MPP7: variants seen among roughly 807,000 people sequenced by gnomAD.
MPP7 encodes the protein MAGUK p55 subfamily member 7.
Under a neutral mutation model 76.5 loss-of-function variants are expected in MPP7, and 60 were observed. The observed-to-expected ratio is 0.78, with a 90% CI of 0.64 to 0.97. MPP7 has a LOEUF of 0.97. Ranked by LOEUF, MPP7 falls within the 50% of genes least tolerant of loss-of-function variation. MPP7 has a pLI of 0.00. For missense variants in MPP7, 641 were observed against 694.0 expected (o/e 0.92, Z 0.86); for synonymous variants, 237 against 244.5 (o/e 0.97, Z 0.29).
At chr10:28,311,101 A>G (rs184485936) in intron 2 of MPP7, among the ~76,000 whole-genome samples, 1 of 152,264 alleles carries the variant, frequency 6.6e-6, no homozygotes, top group African/African-American at 2.4e-5. Context: ...CTCATTTGGA[A>G]CTCATTTTAA....
At position 28,052,676 on chromosome 10, in the gene MPP7, A is replaced by T. The variant is rs574528378; in HGVS notation, c.*1389T>A. Reference sequence around the variant, plus strand: ...TTATGAATAGCCCCGTTTGATATTTAAAAAAATATGCCTTTAAAATATTTC... The same window carrying T: ...TTATGAATAGCCCCGTTTGATATTTTAAAAAATATGCCTTTAAAATATTTC... On this transcript the variant is annotated 3_prime_UTR_variant, in exon 17 of 17. Coordinates refer to ENST00000683449, the MANE Select transcript of MPP7 (RefSeq NM_001318170.2). 9.9e-5 allele frequency: 15 copies of T among 151,450 alleles called. No individual in the cohort carries two copies. The highest frequency in any genetic ancestry group is 2.0e-4 in the Admixed American group (3 of 15,166). 9.4% of individuals were successfully genotyped at this position (151,450 alleles called of 1,614,324 possible). A position where few individuals can be genotyped will look rare whatever the true frequency, so the allele number is the denominator to read the frequency against.
intron 5 of MPP7, among the ~76,000 whole-genome samples, chr10:28,137,560 C>T (rs1445752621): frequency 1.3e-5 from 2 of 152,110 alleles, no homozygotes; most frequent in African/African-American, 2.4e-5. Context: ...AGCTTTGTTC[C>T]ATGTCTGCAT....
chr10:28,164,233 G>A (rs903994946), intron 3 of MPP7, among the ~76,000 whole-genome samples: 3 of 152,186 alleles, frequency 2.0e-5, no homozygotes, highest in African/African-American at 7.2e-5. Context: ...GAAGCAGGGT[G>A]GAGGAGAGGC....
intron 1 of MPP7, among the ~76,000 whole-genome samples, chr10:28,298,851 T>C (rs1388101891): frequency 2.0e-5 from 3 of 152,262 alleles, no homozygotes; most frequent in Admixed American, 6.5e-5. Context: ...CAGCATTTGC[T>C]GCTTCACCTT....
chr10:28,070,624 C>A (rs992193479), intron 12 of MPP7, among the ~76,000 whole-genome samples: 2 of 152,178 alleles, frequency 1.3e-5, no homozygotes, highest in African/African-American at 4.8e-5. Flanking sequence ...TGTGCTGAGA[C>A]CTTTTCCTGT....
chr10:28,268,725 ACT>A (rs1229961718), intron 1 of MPP7, among the ~76,000 whole-genome samples: 3 of 148,146 alleles, frequency 2.0e-5, no homozygotes, highest in South Asian at 2.1e-4. Flanking sequence ...ACGGAGTGAG[ACT>A]CTGTCTCAAA....
intron 3 of MPP7, among the ~76,000 whole-genome samples, chr10:28,168,788 G>C (rs1836577643): frequency 6.6e-6 from 1 of 152,164 alleles, no homozygotes; most frequent in South Asian, 2.1e-4. Flanking sequence ...AAAGTGCTGG[G>C]ATTACAGGTG....
chr10:28,132,390 C>T (rs1274690311), intron 5 of MPP7, among the ~76,000 whole-genome samples: 3 of 152,142 alleles, frequency 2.0e-5, no homozygotes, highest in Admixed American at 6.5e-5. Flanking sequence ...TGAATCCTCT[C>T]CTCTTACTGA....
At chr10:28,267,842 C>T in intron 1 of MPP7, among the ~76,000 whole-genome samples, 1 of 152,016 alleles carries the variant, frequency 6.6e-6, no homozygotes. Context: ...TTGAGACCAG[C>T]CTGGGCAACA....
rs1050133873 is a variant in MPP7, at chr10:28,302,986, C to T, written c.-257G>A. 1.3e-5 allele frequency among the ~76,000 whole-genome samples: 2 copies of T among 150,696 alleles called. No homozygotes were observed. Among genetic ancestry groups the T allele is most frequent in the East Asian group, 1.9e-4 (1 of 5,158 alleles). On this transcript the variant is annotated 5_prime_UTR_variant, in exon 1 of 17. Coordinates refer to ENST00000683449, the MANE Select transcript of MPP7 (RefSeq NM_001318170.2). ...GAGGACAATCGGGAGCCAGCGGGCT[C>T]GGCACCGCCGCGGCGGGCGCAGAAC...
chr10:28,119,465 C>A (rs961268477), intron 11 of MPP7, among the ~76,000 whole-genome samples, 186 bp downstream of exon 11: 6 of 152,126 alleles, frequency 3.9e-5, no homozygotes, highest in African/African-American at 1.4e-4. Context: ...TCAACCACCC[C>A]TTTCCTCAAA....
intron 1 of MPP7, among the ~76,000 whole-genome samples, chr10:28,260,160 G>C (rs550151007): frequency 3.9e-5 from 6 of 152,186 alleles, no homozygotes; most frequent in African/African-American, 1.4e-4. Context: ...TAATTTTATG[G>C]CATTATCATC....
intron 1 of MPP7, among the ~76,000 whole-genome samples, chr10:28,278,828 T>C (rs376832441): frequency 6.7e-6 from 1 of 148,446 alleles, no homozygotes; most frequent in Non-Finnish European, 1.5e-5. Flanking sequence ...TTTTTTAATC[T>C]GAAAAAAAAA....
At chr10:28,292,142 C>A (rs995234356) in intron 1 of MPP7, among the ~76,000 whole-genome samples, 2 of 152,184 alleles carry the variant, frequency 1.3e-5, no homozygotes, top group Non-Finnish European at 1.5e-5. Context: ...AGGACAGTAA[C>A]CTGCTGCACA....
At chr10:28,325,997 T>G (rs1049789289) in intron 2 of MPP7, among the ~76,000 whole-genome samples, 1 of 138,944 alleles carries the variant, frequency 7.2e-6, no homozygotes, top group African/African-American at 2.6e-5. Context: ...AAAAAAAAAA[T>G]TCCTTAAAGA....
chr10:28,246,027 G>A (rs961959369), intron 1 of MPP7, among the ~76,000 whole-genome samples: 1 of 152,092 alleles, frequency 6.6e-6, no homozygotes, highest in African/African-American at 2.4e-5. Flanking sequence ...CACTATGGGA[G>A]TCTGAGAAGA....
intron 12 of MPP7, among the ~76,000 whole-genome samples, chr10:28,083,687 G>A (rs556955006): frequency 3.3e-5 from 5 of 151,806 alleles, no homozygotes; most frequent in Admixed American, 6.6e-5. Context: ...ACAGGCGCCC[G>A]ACACCACACC....
intron 3 of MPP7, among the ~76,000 whole-genome samples, chr10:28,197,222 G>A (rs1171453519): frequency 7.5e-5 from 10 of 133,090 alleles, no homozygotes; most frequent in Admixed American, 5.2e-4. Flanking sequence ...TTGCTCTGTC[G>A]CCCAGGCTGG....
rs777797720 is a variant in MPP7 at position 28,150,037 on chromosome 10, T to C, written c.179A>G (p.Tyr60Cys). ...AATGGGCACCGGACTCTGCTTCTCATAGTAGTGTAGTTTTTCATGAATCTG... is the reference window on the plus strand; with the variant it reads ...AATGGGCACCGGACTCTGCTTCTCACAGTAGTGTAGTTTTTCATGAATCTG... ...LVKIHEKLHYYEKQSPVPILH... is the reference protein window; with the variant it reads ...LVKIHEKLHYCEKQSPVPILH... Residue 60 changes from tyrosine (Y) to cysteine (C), a missense_variant, in exon 4 of 17, where the codon TAT becomes TGT. By Grantham distance (194) the Tyr-to-Cys change is radical. Transcript: ENST00000683449. 1.7e-5 allele frequency: 28 copies of C among 1,613,510 alleles called. No homozygotes were observed. In the Admixed American group the frequency reaches 2.2e-4, roughly 12 times the overall value.
Sources: allele counts gnomAD v4.1 joint callset (sites outside exome capture counted in the v4.1 genomes callset), GRCh38; gene constraint gnomAD v4.1.1; transcripts MANE v1.5; gene names NCBI Gene and HGNC (gene_info 2026-07-23, HGNC 2026-07-21).